PADI1: variants seen among roughly 807,000 people sequenced by gnomAD.
PADI1 encodes peptidyl arginine deiminase 1.
In PADI1, 65 loss-of-function variants were observed where a neutral mutation model predicts 74.8. The observed-to-expected ratio is 0.87, with a 90% CI of 0.71 to 1.07. PADI1 has a LOEUF of 1.07. Ranked by LOEUF, PADI1 falls within the 50% of genes least tolerant of loss-of-function variation. The probability of loss-of-function intolerance (pLI) is 0.00; values close to 1 mark genes in which losing one functional copy is unlikely to be tolerated. For synonymous variants in PADI1, 371 were observed against 336.2 expected (o/e 1.10, Z -1.13); for missense variants, 943 against 854.0 (o/e 1.10, Z -1.30).
chr1:17,231,937 G>T (rs1479415522), intron 10 of PADI1, among the ~76,000 whole-genome samples: 2 of 150,834 alleles, frequency 1.3e-5, no homozygotes, highest in Non-Finnish European at 2.9e-5. Flanking sequence ...AAAAAAACAC[G>T]TGTTTGTTTG....
chr1:17,226,280 A>C, intron 6 of PADI1, 122 bp downstream of exon 6: 1 of 1,049,576 alleles, frequency 9.5e-7, no homozygotes. Context: ...ACAAACAACC[A>C]CTCCATCAGT....
intron 1 of PADI1, among the ~76,000 whole-genome samples, chr1:17,209,476 C>T (rs1343545991): frequency 6.6e-6 from 1 of 152,170 alleles, no homozygotes; most frequent in Non-Finnish European, 1.5e-5. Flanking sequence ...AAAATATTGA[C>T]ATCACGAAGG....
chr1:17,215,719 C>T (rs1236444044), intron 1 of PADI1, among the ~76,000 whole-genome samples: 4 of 152,334 alleles, frequency 2.6e-5, no homozygotes, highest in Non-Finnish European at 5.9e-5. Flanking sequence ...CATCCTGAGT[C>T]GCTGTGTCCT....
At chr1:17,222,511 C>T (rs898209385) in intron 2 of PADI1, 41 bp downstream of exon 2, 18 of 1,483,604 alleles carry the variant, frequency 1.2e-5, no homozygotes, top group Non-Finnish European at 1.7e-5. Context: ...TGGATCTCTC[C>T]ACCCCCATCC....
intron 1 of PADI1, among the ~76,000 whole-genome samples, chr1:17,221,939 G>A (rs1052164470): frequency 2.0e-5 from 3 of 152,270 alleles, no homozygotes; most frequent in South Asian, 2.1e-4. Context: ...ACGGACCCAT[G>A]AGAAAGCTGC....
At chr1:17,227,415 C>CAAAACATACAAAAAAATT (rs2072347553) in intron 6 of PADI1, among the ~76,000 whole-genome samples, 1 of 151,178 alleles carries the variant, frequency 6.6e-6, no homozygotes, top group African/African-American at 2.4e-5. Flanking sequence ...CCTGTAGTCC[C>CAAAACATACAAAAAAATT]AGCTACTCTG....
intron 4 of PADI1, among the ~76,000 whole-genome samples, chr1:17,225,082 T>C (rs545719333): frequency 1.3e-5 from 2 of 152,300 alleles, no homozygotes; most frequent in South Asian, 4.1e-4. Context: ...TCTAGGGCCC[T>C]GCTGCAGAGT....
chr1:17,226,649 C>A (rs1039191933), intron 6 of PADI1, among the ~76,000 whole-genome samples: 1 of 152,114 alleles, frequency 6.6e-6, no homozygotes, highest in Non-Finnish European at 1.5e-5. Flanking sequence ...CAAGGCTGGG[C>A]GCAATGACTC....
chr1:17,225,675 C>CT, intron 4 of PADI1, 136 bp from the exon 5 acceptor site: 1 of 687,208 alleles, frequency 1.5e-6, no homozygotes, highest in Non-Finnish European at 2.5e-6. Context: ...CCAAATAATC[C>CT]TTTTTAAAAT....
At chr1:17,231,517 A>T (rs2072489817) in intron 10 of PADI1, among the ~76,000 whole-genome samples, 1 of 152,182 alleles carries the variant, frequency 6.6e-6, no homozygotes, top group South Asian at 2.1e-4. Context: ...GAGCAGGGAC[A>T]TTCAACCCAG....
At chr1:17,215,338 A>G (rs1391858071) in intron 1 of PADI1, among the ~76,000 whole-genome samples, 1 of 152,106 alleles carries the variant, frequency 6.6e-6, no homozygotes, top group Non-Finnish European at 1.5e-5. Flanking sequence ...GGGTCTTGAT[A>G]GCCCCAGAGA....
intron 15 of PADI1, 43 bp from the exon 16 acceptor site, chr1:17,243,967 C>T (rs1191552859): frequency 7.0e-7 from 1 of 1,423,120 alleles, no homozygotes; most frequent in Admixed American, 1.8e-5. Flanking sequence ...AAGCACAGCA[C>T]TTATAGCCAG....
In PADI1 at chr1:17,239,791, G is replaced by A. The variant is rs370037899; in HGVS notation, c.1632+8G>A. The A allele has an allele frequency of 4.4e-6, 7 of 1,607,068 alleles. No individual in the cohort carries two copies. The highest frequency in any genetic ancestry group is 2.7e-5 in the African/African-American group (2 of 74,806). ...GACAATCTTCATGCACAGGTGAGAG[G>A]CAGGACCACCAGCTGCTCTAAGGGG... On this transcript the variant is annotated splice_region_variant and intron_variant, in intron 14 of 15. Transcript: ENST00000375471.
intron 12 of PADI1, among the ~76,000 whole-genome samples, chr1:17,237,740 T>C (rs2072680895): frequency 6.6e-6 from 1 of 152,248 alleles, no homozygotes; most frequent in Non-Finnish European, 1.5e-5. Context: ...ATGTTTTAAT[T>C]CATTTAATCC....
chr1:17,224,657 G>T (rs1346221991), intron 4 of PADI1, among the ~76,000 whole-genome samples: 2 of 152,164 alleles, frequency 1.3e-5, no homozygotes, highest in Non-Finnish European at 2.9e-5. Flanking sequence ...CCCTCTCTGG[G>T]TCTCTCTTGT....
intron 1 of PADI1, among the ~76,000 whole-genome samples, chr1:17,217,905 A>T (rs2072023644): frequency 6.6e-6 from 1 of 152,264 alleles, no homozygotes; most frequent in Admixed American, 6.5e-5. Context: ...TATAGCCATG[A>T]CATTGTGGTT....
intron 6 of PADI1, among the ~76,000 whole-genome samples, chr1:17,227,530 CAAATAAATAAATAAATAA>C: frequency 7.2e-6 from 1 of 138,356 alleles, no homozygotes; most frequent in South Asian, 2.4e-4. Flanking sequence ...GACCCTGTCT[CAAATAAATAAATAAATAA>C]ATAAATAAAT....
chr1:17,236,855 A>T (rs1329950640), intron 11 of PADI1, among the ~76,000 whole-genome samples: 2 of 152,200 alleles, frequency 1.3e-5, no homozygotes, highest in Non-Finnish European at 2.9e-5. Flanking sequence ...GCAGTTAAAG[A>T]TGTGGCTACT....
chr1:17,205,213 A>T lies in PADI1; in HGVS notation c.-5A>T. On this transcript the variant is annotated 5_prime_UTR_variant, in exon 1 of 16. Coordinates refer to ENST00000375471, the MANE Select transcript of PADI1 (RefSeq NM_013358.3). ...GATCTAGGAGGCTGGGAGCCAGGTG[A>T]CAGGATGGCCCCAAAGAGAGTTGTG... 6.2e-7 allele frequency: 1 copy of T among 1,613,466 alleles called. No homozygotes were observed. Among genetic ancestry groups the T allele is most frequent in the Non-Finnish European group, 8.5e-7 (1 of 1,179,478 alleles).
Sources: allele counts gnomAD v4.1 joint callset (sites outside exome capture counted in the v4.1 genomes callset), GRCh38; gene constraint gnomAD v4.1.1; transcripts MANE v1.5; gene names NCBI Gene and HGNC (gene_info 2026-07-23, HGNC 2026-07-21).